Variants in SEC63 observed in about 807,000 individuals in gnomAD.
SEC63 encodes SEC63 protein translocation regulator.
In SEC63, 56 loss-of-function variants were observed where a neutral mutation model predicts 116.2. That is an observed-to-expected ratio of 0.48 (90% CI 0.39 to 0.60). The LOEUF is 0.60. Ranked by LOEUF, SEC63 falls within the 20% of genes least tolerant of loss-of-function variation. The pLI, the probability that SEC63 is intolerant of heterozygous loss-of-function variation, is 0.00. For missense variants in SEC63, 668 were observed against 900.0 expected (o/e 0.74, Z 3.30); for synonymous variants, 273 against 294.6 (o/e 0.93, Z 0.75).
At chr6:107,947,312 C>G (rs1230518214) in intron 1 of SEC63, among the ~76,000 whole-genome samples, 1 of 151,686 alleles carries the variant, frequency 6.6e-6, no homozygotes, top group Non-Finnish European at 1.5e-5. Context: ...CAAAACAAAA[C>G]AAAAAACAAA....
intron 16 of SEC63, among the ~76,000 whole-genome samples, chr6:107,888,782 G>A (rs1005580647): frequency 6.6e-6 from 1 of 152,116 alleles, no homozygotes; most frequent in Non-Finnish European, 1.5e-5. Context: ...CTAGTTTATT[G>A]AGAGTTTTTA....
chr6:107,949,214 T>C (rs189539159), intron 1 of SEC63, among the ~76,000 whole-genome samples: 5 of 152,054 alleles, frequency 3.3e-5, no homozygotes, highest in South Asian at 4.2e-4. Flanking sequence ...CTGAAAGAGG[T>C]GGGAAAGGAG....
At chr6:107,935,231 C>T (rs1770197148) in intron 1 of SEC63, among the ~76,000 whole-genome samples, 1 of 151,756 alleles carries the variant, frequency 6.6e-6, no homozygotes. Context: ...CTCTGCCCGG[C>T]CGCCCCTACT....
intron 12 of SEC63, 135 bp downstream of exon 12, chr6:107,902,709 G>T: frequency 2.4e-6 from 2 of 831,870 alleles, no homozygotes; most frequent in South Asian, 3.1e-5. Context: ...CCACCTGAGA[G>T]AAAGTTTTAG....
chr6:107,937,123 A>ATTTTTT lies in SEC63; in HGVS notation c.125-7615_125-7610dup, dbSNP rs3062082. ...GTATTCTACAGTGTATATGTACCAC[A>ATTTTTT]TTTTTTTTTTTTTTTTGAGACAGAG... is the stretch of plus-strand genomic sequence containing the variant. On this transcript the variant is annotated intron_variant, in intron 1 of 20. Coordinates refer to ENST00000369002, the MANE Select transcript of SEC63 (RefSeq NM_007214.5). Among the ~76,000 whole-genome samples, 47 of 129,858 alleles carry ATTTTTT rather than the reference A, an allele frequency of 3.6e-4. 1 individual carries two copies. The highest frequency in any genetic ancestry group is 1.4e-3 in the South Asian group (6 of 4,206). 85.2% of individuals were successfully genotyped at this position (129,858 alleles called of 152,430 possible).
At chr6:107,933,911 C>T (rs1484552185) in intron 1 of SEC63, among the ~76,000 whole-genome samples, 4 of 152,212 alleles carry the variant, frequency 2.6e-5, no homozygotes, top group African/African-American at 4.8e-5. Flanking sequence ...TTGGTGGAGA[C>T]GGGGTTTCGC....
intron 1 of SEC63, among the ~76,000 whole-genome samples, chr6:107,940,547 A>G (rs1770353394): frequency 6.6e-6 from 1 of 152,018 alleles, no homozygotes. Flanking sequence ...CCCAGTGGAG[A>G]CCAAAAAAAA....
intron 1 of SEC63, among the ~76,000 whole-genome samples, chr6:107,952,525 A>C (rs1178861949): frequency 6.6e-6 from 1 of 152,178 alleles, no homozygotes; most frequent in East Asian, 1.9e-4. Flanking sequence ...TGGGAGGCCG[A>C]GGTGGGCAGA....
At chr6:107,949,056 C>A (rs9373991) in intron 1 of SEC63, among the ~76,000 whole-genome samples, 148,780 of 152,312 alleles carry the variant, frequency 0.98, 72,705 homozygotes, top group African/African-American at 0.99. Flanking sequence ...ATTTTTCAGC[C>A]AATCTTCAGA....
intron 16 of SEC63, among the ~76,000 whole-genome samples, chr6:107,889,707 T>TGTAG (rs1429198427): frequency 1.3e-5 from 2 of 152,238 alleles, no homozygotes; most frequent in Non-Finnish European, 2.9e-5. Context: ...TGCTTTCTCT[T>TGTAG]GTAGGCATTT....
intron 7 of SEC63, among the ~76,000 whole-genome samples, chr6:107,910,611 A>G (rs1583749155): frequency 6.6e-6 from 1 of 152,184 alleles, no homozygotes; most frequent in South Asian, 2.1e-4. Flanking sequence ...CACGTGTCAT[A>G]CATATATGCA....
At chr6:107,896,240 G>A (rs1205709545) in intron 14 of SEC63, among the ~76,000 whole-genome samples, 1 of 151,888 alleles carries the variant, frequency 6.6e-6, no homozygotes, top group East Asian at 1.9e-4. Flanking sequence ...AAGGTGGGTG[G>A]ATCACTTGAG....
At chr6:107,891,002 T>C (rs1164562433) in intron 16 of SEC63, among the ~76,000 whole-genome samples, 1 of 152,216 alleles carries the variant, frequency 6.6e-6, no homozygotes, top group East Asian at 1.9e-4. Context: ...CCCTTTAACA[T>C]TTTTTCCTTC....
At chr6:107,871,927 T>C (rs1786143848) in intron 20 of SEC63, 80 bp from the exon 21 acceptor site, 1 of 1,451,048 alleles carries the variant, frequency 6.9e-7, no homozygotes, top group East Asian at 2.3e-5. Context: ...AAAGGTTTTC[T>C]TTGACCACAG....
At chr6:107,917,397 T>C (rs746880167) in intron 4 of SEC63, among the ~76,000 whole-genome samples, 54 of 152,010 alleles carry the variant, frequency 3.6e-4, no homozygotes, top group Non-Finnish European at 7.5e-4. Context: ...TTAATTCCTC[T>C]AGGGCCGCTG....
chr6:107,912,749 T>C lies in SEC63; in HGVS notation c.540A>G (p.Pro180=). Reference sequence around the variant, plus strand: ...AGTTTTTCTGGTCAACTATCCAAGCTGGCAGGGCAATTCCAAAGCTTGTGG... The same window carrying C: ...AGTTTTTCTGGTCAACTATCCAAGCCGGCAGGGCAATTCCAAAGCTTGTGG... The part of the protein sequence containing the change: ...PQATSFGIAL[P]AWIVDQKNSI... Residue 180 remains proline, a synonymous_variant, in exon 6 of 21, where the codon CCA becomes CCG. Coordinates refer to ENST00000369002, the MANE Select transcript of SEC63 (RefSeq NM_007214.5). 6.2e-7 allele frequency: 1 copy of C among 1,611,718 alleles called. No individual in the cohort carries two copies. Among genetic ancestry groups the C allele is most frequent in the Non-Finnish European group, 8.5e-7 (1 of 1,177,882 alleles).
At chr6:107,873,479 G>C (rs1281076668) in intron 19 of SEC63, among the ~76,000 whole-genome samples, 1 of 152,010 alleles carries the variant, frequency 6.6e-6, no homozygotes, top group Non-Finnish European at 1.5e-5. Flanking sequence ...CTGCTCTAGT[G>C]ATCTGCTCCA....
intron 2 of SEC63, among the ~76,000 whole-genome samples, chr6:107,926,270 T>C (rs1787672389): frequency 6.6e-6 from 1 of 152,228 alleles, no homozygotes; most frequent in Non-Finnish European, 1.5e-5. Context: ...TAATAATAAC[T>C]AGCTTTAGGT....
intron 3 of SEC63, among the ~76,000 whole-genome samples, chr6:107,924,092 A>G (rs1329272174): frequency 5.3e-4 from 74 of 140,530 alleles, no homozygotes; most frequent in Middle Eastern, 0.011. Context: ...GTGAAACCCC[A>G]TCTCTACTAA....
Sources: allele counts gnomAD v4.1 joint callset (sites outside exome capture counted in the v4.1 genomes callset), GRCh38; gene constraint gnomAD v4.1.1; transcripts MANE v1.5; gene names NCBI Gene and HGNC (gene_info 2026-07-23, HGNC 2026-07-21).